CARD14: variants seen among roughly 807,000 people sequenced by gnomAD.
CARD14 encodes the protein caspase recruitment domain family member 14.
In CARD14, 107 loss-of-function variants were observed where a neutral mutation model predicts 111.5. The ratio of observed to expected loss-of-function variants is 0.96; its 90% CI spans 0.82 to 1.13. The LOEUF is 1.13. CARD14 is among the 50% of genes most tolerant of loss of function. The pLI is 0.00. For missense variants in CARD14, 1,322 were observed against 1,362.3 expected (o/e 0.97, Z 0.47); for synonymous variants, 617 against 579.6 (o/e 1.06, Z -0.93).
chr17:80,207,941 T>G (rs1265663730), intron 23 of CARD14, among the ~76,000 whole-genome samples, 197 bp from the exon 24 acceptor site: 1 of 152,036 alleles, frequency 6.6e-6, no homozygotes, highest in African/African-American at 2.4e-5. Context: ...CCCTTTCTAC[T>G]CCAGGAAGCA....
In CARD14 at chr17:80,195,806, C is replaced by T. The variant is rs2040694280; in HGVS notation, c.1594+154C>T. ...GGCCTTGACCTTGGCCTCGACCTTGCACTTTGGGAAAGTCCCGCCTGCCAG... is the reference window on the plus strand; with the variant it reads ...GGCCTTGACCTTGGCCTCGACCTTGTACTTTGGGAAAGTCCCGCCTGCCAG... On this transcript the variant is annotated intron_variant, in intron 14 of 23. Transcript: ENST00000648509. The surrounding 1 kb of genome is among the most constrained non-coding windows in gnomAD (Gnocchi z 4.7). 2 of 658,118 alleles carry T rather than the reference C, an allele frequency of 3.0e-6. No individual in the cohort carries two copies. The highest frequency in any genetic ancestry group is 5.1e-6 in the Non-Finnish European group (2 of 388,448). The allele number at this position is 658,118 out of a possible 1,614,324, so 40.8% of individuals were successfully genotyped here. A position where few individuals can be genotyped will look rare whatever the true frequency, so the allele number is the denominator to read the frequency against.
At position 80,205,553 on chromosome 17, in the gene CARD14, T is replaced by C; in HGVS notation, c.2592T>C (p.Tyr864=). Residue 864 remains tyrosine, a synonymous_variant, in exon 22 of 24, where the codon TAT becomes TAC. Transcript: ENST00000648509. ...TAGAGTACTTGAGCCAGGAGGAGTA[T>C]GAGGCCTGGAGCCAGAGAGGGGACA... The part of the protein sequence containing the change: ...CLAEYLSQEE[Y]EAWSQRGDII... 1 of 1,585,150 alleles carries C rather than the reference T, an allele frequency of 6.3e-7. No individual in the cohort carries two copies. Among genetic ancestry groups the C allele is most frequent in the Non-Finnish European group, 8.6e-7 (1 of 1,165,178 alleles).
At chr17:80,191,605 C>A in intron 11 of CARD14, 133 bp downstream of exon 11, 1 of 1,107,232 alleles carries the variant, frequency 9.0e-7, no homozygotes, top group Non-Finnish European at 1.3e-6. Context: ...CCACACGCGG[C>A]ACCTGCAGAG....
chr17:80,180,585 T>A (rs576528880), intron 4 of CARD14, among the ~76,000 whole-genome samples: 1 of 152,210 alleles, frequency 6.6e-6, no homozygotes, highest in South Asian at 2.1e-4. Flanking sequence ...AACTTTTTTT[T>A]TTGTTTTTTT....
intron 16 of CARD14, among the ~76,000 whole-genome samples, chr17:80,199,507 A>T (rs2040854612): frequency 6.8e-6 from 1 of 146,294 alleles, no homozygotes; most frequent in Non-Finnish European, 1.5e-5. Flanking sequence ...GGCTGCAATG[A>T]GCTAAGATTG....
rs2040440595 is a variant in CARD14, at chr17:80,189,245, C to T, written c.844-508C>T. 6.6e-6 allele frequency among the ~76,000 whole-genome samples: 1 copy of T among 152,188 alleles called. No individual in the cohort carries two copies. The highest frequency in any genetic ancestry group is 1.5e-5 in the Non-Finnish European group (1 of 68,036). The stretch of plus-strand genomic sequence containing the variant: ...CAGGTGCACTGGAGAGAGGGGGGCT[C>T]TGAAGTGGAGCAGTGAGTGAGCAAC... On this transcript the variant is annotated intron_variant, in intron 8 of 23. Transcript: ENST00000648509. The surrounding 1 kb of genome is among the most constrained non-coding windows in gnomAD (Gnocchi z 4.7).
chr17:80,179,376 T>C (rs945590226), intron 4 of CARD14, 75 bp downstream of exon 4: 2 of 152,190 alleles, frequency 1.3e-5, no homozygotes, highest in Non-Finnish European at 2.9e-5. Flanking sequence ...TCAAGCTGCA[T>C]GTATCAGTAT....
chr17:80,181,471 C>A lies in CARD14; in HGVS notation c.33C>A (p.Leu11=). The change falls in exon 5 of 24, where the codon CTC becomes CTA. Residue 11 remains leucine, a synonymous_variant. Coordinates refer to ENST00000648509, the MANE Select transcript of CARD14 (RefSeq NM_001366385.1). The part of the protein sequence containing the change: MGELCRRDSA[L]TALDEETLWE... ...AACTGTGCCGCAGGGACTCCGCACT[C>A]ACGGCACTGGACGAGGAGACACTGT... 6.3e-7 allele frequency: 1 copy of A among 1,585,746 alleles called. No homozygotes were observed. The highest frequency in any genetic ancestry group is 8.6e-7 in the Non-Finnish European group (1 of 1,165,666).
chr17:80,171,193 C>CCTT (rs2039892528), intron 1 of CARD14, among the ~76,000 whole-genome samples: 2 of 91,520 alleles, frequency 2.2e-5, no homozygotes, highest in African/African-American at 4.2e-5. Flanking sequence ...CTCCCTCCCT[C>CCTT]CCTCCCTCCC....
chr17:80,204,098 C>A, intron 19 of CARD14, 129 bp from the exon 20 acceptor site: 1 of 940,524 alleles, frequency 1.1e-6, no homozygotes, highest in Non-Finnish European at 1.6e-6. Context: ...ACACCTCAGG[C>A]TGTTCTCAGA....
At chr17:80,199,305 C>G (rs112168618) in intron 16 of CARD14, among the ~76,000 whole-genome samples, 11 of 151,084 alleles carry the variant, frequency 7.3e-5, no homozygotes, top group Admixed American at 6.6e-4. Context: ...CTGGCCAACA[C>G]GGCGAAACCC....
At position 80,208,151 on chromosome 17, in the gene CARD14, C is replaced by T. The variant is rs1410862007; in HGVS notation, c.2821C>T (p.Arg941Trp). The change falls in exon 24 of 24, where the codon CGG (arginine) becomes TGG (tryptophan). Residue 941 changes from arginine (R) to tryptophan (W), a missense_variant. By Grantham distance (101) the Arg-to-Trp change is moderately radical. Transcript: ENST00000648509. ...TGGCCTGTGCAGGAAGGGCCTACAG[C>T]GGTTGGGCACCTCAGAGGAGCAGCT... ...MAKKLKKGLQ[R>W]LGTSEEQLLE... The T allele has an allele frequency of 2.1e-5, 32 of 1,543,086 alleles. No homozygotes were observed. Among genetic ancestry groups the T allele is most frequent in the Non-Finnish European group, 2.6e-5 (30 of 1,142,782 alleles).
chr17:80,192,267 C>T (rs2040553160), intron 11 of CARD14: 1 of 440,946 alleles, frequency 2.3e-6, no homozygotes. Flanking sequence ...CACACATATT[C>T]TAAAAGAAAT....
chr17:80,182,153 T>TG lies in CARD14; in HGVS notation c.212-498dup. ...AAACACAGGAGAGATTGATGCACGCTGGTCATTCTGGCTGAGAGAGATGGG... is the reference window on the plus strand; with the variant it reads ...AAACACAGGAGAGATTGATGCACGCTGGGTCATTCTGGCTGAGAGAGATGGG... On this transcript the variant is annotated intron_variant, in intron 5 of 23. Transcript: ENST00000648509. The surrounding 1 kb of genome is among the most constrained non-coding windows in gnomAD (Gnocchi z 4.7). Among the ~76,000 whole-genome samples, 1 of 152,300 alleles carries TG rather than the reference T, an allele frequency of 6.6e-6. No individual in the cohort carries two copies. The highest frequency in any genetic ancestry group is 6.5e-5 in the Admixed American group (1 of 15,306).
intron 7 of CARD14, among the ~76,000 whole-genome samples, chr17:80,186,120 G>C (rs1455599977): frequency 1.3e-5 from 2 of 152,234 alleles, no homozygotes; most frequent in Admixed American, 1.3e-4. Context: ...GACTCTGGCG[G>C]GAGCTGGCCC....
chr17:80,194,675 G>A lies in CARD14; in HGVS notation c.1357-516G>A, dbSNP rs148813161. Among the ~76,000 whole-genome samples, 140 of 152,274 alleles carry A rather than the reference G, an allele frequency of 9.2e-4. 2 individuals are homozygous for A. The highest frequency in any genetic ancestry group is 3.2e-4 in the Non-Finnish European group (22 of 68,024). On this transcript the variant is annotated intron_variant, in intron 12 of 23. Coordinates refer to ENST00000648509, the MANE Select transcript of CARD14 (RefSeq NM_001366385.1). ...CAATCATGGCAGAAGGCACCTCTTC[G>A]CAGAGCGGCAGGAGAGAGAATGAGT...
At chr17:80,180,768 G>C (rs75103933) in intron 4 of CARD14, among the ~76,000 whole-genome samples, 1 of 98,344 alleles carries the variant, frequency 1.0e-5, no homozygotes, top group Non-Finnish European at 2.3e-5. Context: ...GTTTGTTTGT[G>C]TGTTTGTTTA....
At chr17:80,192,640 TC>T (rs746287878) in intron 12 of CARD14, 21 bp downstream of exon 12, 1 of 1,577,536 alleles carries the variant, frequency 6.3e-7, no homozygotes, top group Non-Finnish European at 8.7e-7. Flanking sequence ...TCCTCCCGCC[TC>T]CCTCACTGCC....
Position 80,184,264 on chromosome 17 carries a change from G to T in CARD14, c.675+26G>T, listed in dbSNP as rs4889991. 8 of 1,476,980 alleles carry T rather than the reference G, an allele frequency of 5.4e-6. No individual in the cohort carries two copies. The African/African-American group carries it at 1.1e-4, about 21-fold the overall frequency. The allele number at this position is 1,476,980 out of a possible 1,614,324, so 91.5% of individuals were successfully genotyped here. A position where few individuals can be genotyped will look rare whatever the true frequency, so the allele number is the denominator to read the frequency against. The stretch of plus-strand genomic sequence containing the variant: ...GTAGGGGGACACCCTGCACCCCGGC[G>T]CGACCCTGCTGTCGTCTGCCCCCAG... On this transcript the variant is annotated intron_variant, in intron 7 of 23. Coordinates refer to ENST00000648509, the MANE Select transcript of CARD14 (RefSeq NM_001366385.1).
Sources: gnomAD v4.1 joint callset for allele counts (sites outside exome capture counted in the v4.1 genomes callset) on GRCh38, gnomAD v4.1.1 for gene constraint, Gnocchi (gnomAD v3.1) non-coding constraint, MANE v1.5 for transcripts, NCBI Gene and HGNC (gene_info 2026-07-23, HGNC 2026-07-21) for gene names.